The following C12orf54 variants were observed in gnomAD, a reference collection of about 807,000 sequenced individuals.
C12orf54 encodes the protein chromosome 12 open reading frame 54.
Under a neutral mutation model 26.4 loss-of-function variants are expected in C12orf54, and 24 were observed. The ratio of observed to expected loss-of-function variants is 0.91; its 90% CI spans 0.66 to 1.28. C12orf54 has a LOEUF of 1.28. Ranked by LOEUF, C12orf54 falls within the 50% of genes most tolerant of loss-of-function variation. C12orf54 has a pLI of 0.00. For synonymous variants in C12orf54, 54 were observed against 47.0 expected (o/e 1.15, Z -0.61); for missense variants, 154 against 150.9 (o/e 1.02, Z -0.11).
intron 2 of C12orf54, 83 bp downstream of exon 2, chr12:48,483,444 G>A: frequency 1.5e-6 from 2 of 1,339,112 alleles, no homozygotes; most frequent in African/African-American, 1.5e-5. Flanking sequence ...TGTCTTCTAT[G>A]GCTCTTCATT....
the C12orf54 span, among the ~76,000 whole-genome samples, chr12:48,450,873 T>C: frequency 0.2 from 29,927 of 151,894 alleles, 3,271 homozygotes; most frequent in South Asian, 0.3. Flanking sequence ...ACCAGACGAA[T>C]TCACAGCTAA....
intron 4 of C12orf54, chr12:48,487,891 T>G: frequency 1.2e-5 from 7 of 575,614 alleles, no homozygotes; most frequent in Middle Eastern, 4.7e-4. Context: ...AGTAGGTGGA[T>G]ATTTGGTTTT....
chr12:48,487,702 C>A (rs1028887662), intron 4 of C12orf54: 6 of 198,946 alleles, frequency 3.0e-5, no homozygotes, highest in Non-Finnish European at 5.1e-5. Context: ...CACACTCTAC[C>A]CCTTTGACCA....
At chr12:48,419,428 C>T in the C12orf54 span, among the ~76,000 whole-genome samples, 10 of 152,208 alleles carry the variant, frequency 6.6e-5, no homozygotes, top group South Asian at 4.1e-4. Context: ...TGCAGTGATC[C>T]GCACAATTAA....
the C12orf54 span, among the ~76,000 whole-genome samples, chr12:48,449,047 G>A: frequency 6.6e-6 from 1 of 152,178 alleles, no homozygotes; most frequent in Non-Finnish European, 1.5e-5. Flanking sequence ...GTTGACAATT[G>A]GTTGAGTTTG....
At chr12:48,479,978 T>C (rs920892532), upstream of C12orf54, among the ~76,000 whole-genome samples, 1 of 152,100 alleles carries the variant, frequency 6.6e-6, no homozygotes, top group African/African-American at 2.4e-5. Context: ...TCATTTTTGT[T>C]ACCTGATAGA....
At chr12:48,425,311 T>C in the C12orf54 span, among the ~76,000 whole-genome samples, 20,079 of 151,968 alleles carry the variant, frequency 0.13, 2,648 homozygotes, top group East Asian at 0.66. Context: ...TTCACTCCCA[T>C]TTATAAGTGA....
upstream of C12orf54, among the ~76,000 whole-genome samples, chr12:48,482,222 A>G (rs1485506197): frequency 1.3e-5 from 2 of 152,240 alleles, no homozygotes; most frequent in African/African-American, 4.8e-5. Flanking sequence ...TGATTTTGAA[A>G]TTCAAAGTAA....
chr12:48,489,804 C>G (rs866552464), intron 5 of C12orf54, among the ~76,000 whole-genome samples: 6 of 151,900 alleles, frequency 3.9e-5, no homozygotes, highest in African/African-American at 4.8e-5. Flanking sequence ...TCACCACAAC[C>G]TCCGCCTCCC....
chr12:48,474,009 T>C, the C12orf54 span, among the ~76,000 whole-genome samples: 1 of 152,168 alleles, frequency 6.6e-6, no homozygotes, highest in South Asian at 2.1e-4. Flanking sequence ...CAAAGAGGAC[T>C]CAGATGTTAC....
At chr12:48,447,209 A>C in the C12orf54 span, among the ~76,000 whole-genome samples, 1 of 64,484 alleles carries the variant, frequency 1.6e-5, no homozygotes, top group Non-Finnish European at 2.9e-5. Context: ...TCTCTCTCTT[A>C]CTCTGTGTGT....
chr12:48,418,528 G>C, the C12orf54 span, among the ~76,000 whole-genome samples: 1 of 152,204 alleles, frequency 6.6e-6, no homozygotes, highest in Non-Finnish European at 1.5e-5. Flanking sequence ...TGTGTAAAAA[G>C]AGAAGTGATG....
At chr12:48,422,371 C>T in the C12orf54 span, among the ~76,000 whole-genome samples, 2 of 152,218 alleles carry the variant, frequency 1.3e-5, no homozygotes, top group Non-Finnish European at 2.9e-5. Flanking sequence ...GCTTAAGAAC[C>T]ATTTCTTTCC....
rs535522334 is a variant in C12orf54, at chr12:48,495,884, A to G, written c.*41-297A>G. ...TAATACATACACTCACAAAACCTCT[A>G]TTAAAACCCAGTTTGGGTTCAGATT... On this transcript the variant is annotated intron_variant, in intron 8 of 8. Transcript: ENST00000548364. 3.3e-5 allele frequency among the ~76,000 whole-genome samples: 5 copies of G among 152,342 alleles called. No homozygotes were observed. The East Asian group carries it at 7.7e-4, about 24-fold the overall frequency.
the C12orf54 span, among the ~76,000 whole-genome samples, chr12:48,466,823 C>G: frequency 2.2e-4 from 33 of 152,074 alleles, no homozygotes; most frequent in Non-Finnish European, 4.4e-4. Flanking sequence ...CCCAGCCATT[C>G]CACTCCTATT....
chr12:48,460,985 T>C, the C12orf54 span, among the ~76,000 whole-genome samples: 9 of 151,958 alleles, frequency 5.9e-5, no homozygotes, highest in African/African-American at 1.9e-4. Flanking sequence ...TTTGATTTTT[T>C]AAAAAGAAGG....
At chr12:48,472,781 T>C in the C12orf54 span, 4 of 1,614,176 alleles carry the variant, frequency 2.5e-6, no homozygotes, top group Admixed American at 1.7e-5. Flanking sequence ...GCCTCACAGA[T>C]GAATTTGAAG....
chr12:48,418,020 GA>G, the C12orf54 span, among the ~76,000 whole-genome samples: 8 of 151,718 alleles, frequency 5.3e-5, no homozygotes, highest in African/African-American at 1.9e-4. Flanking sequence ...GTCTTTGCTA[GA>G]AAAAAAAATT....
At chr12:48,477,863 T>C (rs1349395537), upstream of C12orf54, among the ~76,000 whole-genome samples, 5 of 151,742 alleles carry the variant, frequency 3.3e-5, no homozygotes, top group Admixed American at 6.6e-5. Flanking sequence ...TTCCAATCAA[T>C]AGAAAAAAAG....
Sources: allele counts gnomAD v4.1 joint callset (sites outside exome capture counted in the v4.1 genomes callset), GRCh38; gene constraint gnomAD v4.1.1; transcripts MANE v1.5; gene names NCBI Gene and HGNC (gene_info 2026-07-23, HGNC 2026-07-21).